Variants in SSX2IP observed in about 807,000 individuals in gnomAD.
The protein encoded by SSX2IP is afadin- and alpha-actinin-binding protein.
In SSX2IP, 55 loss-of-function variants were observed where a neutral mutation model predicts 84.9. That is an observed-to-expected ratio of 0.65 (90% CI 0.52 to 0.81). The LOEUF is 0.81. Ranked by LOEUF, SSX2IP falls within the 30% of genes least tolerant of loss-of-function variation. The probability of loss-of-function intolerance (pLI) is 0.00; values close to 1 mark genes in which losing one functional copy is unlikely to be tolerated. For missense variants in SSX2IP, 664 were observed against 705.2 expected, an observed-to-expected ratio of 0.94 and a Z score of 0.66; for synonymous variants, 239 against 234.7, an observed-to-expected ratio of 1.02 and a Z score of -0.17.
intron 1 of SSX2IP, among the ~76,000 whole-genome samples, chr1:84,681,681 G>A (rs1027654829): frequency 6.6e-6 from 1 of 152,216 alleles, no homozygotes; most frequent in Admixed American, 6.5e-5. Flanking sequence ...ATGTGTGAAA[G>A]TACTCTTAGC....
chr1:84,653,447 G>A (rs1449763899), intron 11 of SSX2IP, among the ~76,000 whole-genome samples: 2 of 152,132 alleles, frequency 1.3e-5, no homozygotes, highest in Non-Finnish European at 2.9e-5. Context: ...GGTCTTGCAT[G>A]CCTCCCTCCC....
chr1:84,689,699 G>A (rs12404958), intron 1 of SSX2IP, among the ~76,000 whole-genome samples: 10 of 152,298 alleles, frequency 6.6e-5, no homozygotes, highest in Admixed American at 5.2e-4. Context: ...AATCAGCATA[G>A]GCTCAAAAAA....
At chr1:84,665,102 T>A (rs1452329334) in intron 5 of SSX2IP, among the ~76,000 whole-genome samples, 1 of 152,194 alleles carries the variant, frequency 6.6e-6, no homozygotes, top group African/African-American at 2.4e-5. Context: ...AAAATTTAGA[T>A]CTATTATAGT....
At chr1:84,682,298 A>C (rs1270951439) in intron 1 of SSX2IP, among the ~76,000 whole-genome samples, 1 of 152,134 alleles carries the variant, frequency 6.6e-6, no homozygotes, top group South Asian at 2.1e-4. Flanking sequence ...ACTGAGTAGC[A>C]TCAGAGGCCA....
rs144402441 is a variant in SSX2IP at position 84,655,852 on chromosome 1, C to T, written c.1369G>A (p.Ala457Thr). The change falls in exon 11 of 14, where the codon GCT becomes ACT. Residue 457 changes from alanine (A) to threonine (T), a missense_variant. Transcript: ENST00000342203. ...AATACCTCCAATCCCAGGCGAATAG[C>T]GGCTTCTGTAAAGCTTCGTCTCTCC... ...ERERRSFTEA[A>T]IRLGLERKAF... The T allele has an allele frequency of 5.0e-6, 8 of 1,613,406 alleles. No individual in the cohort carries two copies. The highest frequency in any genetic ancestry group is 4.5e-5 in the East Asian group (2 of 44,882).
chr1:84,681,579 G>A (rs1655084531), intron 1 of SSX2IP, among the ~76,000 whole-genome samples: 1 of 151,630 alleles, frequency 6.6e-6, no homozygotes, highest in African/African-American at 2.4e-5. Flanking sequence ...CTCTTCCATA[G>A]CATATCTTTA....
intron 11 of SSX2IP, among the ~76,000 whole-genome samples, chr1:84,654,121 C>T (rs1424788069): frequency 6.6e-6 from 1 of 151,642 alleles, no homozygotes. Context: ...AACAAAAGTT[C>T]CAGAACACAG....
rs772148606 is a variant in SSX2IP, at chr1:84,655,981, C to T, written c.1240G>A (p.Asp414Asn). The T allele has an allele frequency of 3.1e-6, 5 of 1,613,032 alleles. No homozygotes were observed. The African/African-American group carries it at 5.3e-5, about 17-fold the overall frequency. ...TCTCGTAATAGTGAAGTGGTATCAT[C>T]ATCATATGCAGTAGCGAGCTGCTGC... is the stretch of plus-strand genomic sequence containing the variant. The part of the protein sequence containing the change: ...LQQQLATAYD[D>N]DTTSLLRDCY... The change falls in exon 11 of 14, where the codon GAT (aspartate) becomes AAT (asparagine). Residue 414 changes from aspartate to asparagine, a missense_variant. By Grantham distance (23) the Asp-to-Asn change is conservative (BLOSUM62 1). Coordinates refer to ENST00000342203, the MANE Select transcript of SSX2IP (RefSeq NM_001166293.2).
At chr1:84,657,080 A>G (rs527821212) in intron 9 of SSX2IP, among the ~76,000 whole-genome samples, 39 of 152,286 alleles carry the variant, frequency 2.6e-4, no homozygotes, top group African/African-American at 9.4e-4. Context: ...TACTTAACAC[A>G]ATGGCACTGA....
chr1:84,659,020 C>A (rs1651533852), intron 8 of SSX2IP, among the ~76,000 whole-genome samples: 2 of 152,062 alleles, frequency 1.3e-5, no homozygotes, highest in African/African-American at 2.4e-5. Context: ...AAAGAAGTAG[C>A]AAACTTTACT....
intron 1 of SSX2IP, 142 bp from the exon 2 acceptor site, chr1:84,671,450 G>C (rs966292464): frequency 5.6e-6 from 3 of 533,582 alleles, no homozygotes; most frequent in African/African-American, 2.0e-5. Flanking sequence ...TATAGAACAT[G>C]GTGTGTGTAT....
At chr1:84,690,202 C>G (rs1656416937) in intron 1 of SSX2IP, 169 bp downstream of exon 1, 1 of 152,284 alleles carries the variant, frequency 6.6e-6, no homozygotes, top group South Asian at 2.1e-4. Flanking sequence ...TCGCCCGCAC[C>G]CTGCAACGGC....
Position 84,646,233 on chromosome 1 carries a change from G to C in SSX2IP, c.*1200C>G, listed in dbSNP as rs1649452549. On this transcript the variant is annotated 3_prime_UTR_variant, in exon 14 of 14. Coordinates refer to ENST00000342203, the MANE Select transcript of SSX2IP (RefSeq NM_001166293.2). ...GCTTTTTGATGAAAATCCTGGGAAA[G>C]AGCTGAGCCTACATTTATTATTATT... 6.6e-6 allele frequency: 1 copy of C among 152,532 alleles called. No individual in the cohort carries two copies. Among genetic ancestry groups the C allele is most frequent in the Non-Finnish European group, 1.5e-5 (1 of 68,018 alleles). The allele number at this position is 152,532 out of a possible 1,614,324, so 9.4% of individuals were successfully genotyped here.
intron 6 of SSX2IP, among the ~76,000 whole-genome samples, chr1:84,663,853 C>T (rs1169136055): frequency 6.6e-6 from 1 of 152,276 alleles, no homozygotes; most frequent in South Asian, 2.1e-4. Context: ...TTTTAATTTA[C>T]ACTATCTACT....
intron 1 of SSX2IP, among the ~76,000 whole-genome samples, chr1:84,686,330 T>C (rs1570750944): frequency 6.6e-6 from 1 of 152,084 alleles, no homozygotes; most frequent in African/African-American, 2.4e-5. Context: ...GAAGAACAGG[T>C]AAGAAATAAT....
chr1:84,663,854 A>G (rs148058871), intron 6 of SSX2IP, among the ~76,000 whole-genome samples: 1 of 152,180 alleles, frequency 6.6e-6, no homozygotes, highest in Non-Finnish European at 1.5e-5. Flanking sequence ...TTTAATTTAC[A>G]CTATCTACTT....
At chr1:84,689,973 AG>A (rs957556313) in intron 1 of SSX2IP, among the ~76,000 whole-genome samples, 1 of 151,940 alleles carries the variant, frequency 6.6e-6, no homozygotes, top group Non-Finnish European at 1.5e-5. Flanking sequence ...GCCGCTGCTG[AG>A]ACTCTGCAGC....
At chr1:84,669,642 T>C in intron 4 of SSX2IP, 39 bp downstream of exon 4, 1 of 1,490,454 alleles carries the variant, frequency 6.7e-7, no homozygotes, top group Non-Finnish European at 9.3e-7. Flanking sequence ...TACTCAATTA[T>C]ATAATTATGG....
intron 1 of SSX2IP, among the ~76,000 whole-genome samples, chr1:84,671,968 TAGA>T (rs1196340515): frequency 6.6e-6 from 1 of 152,182 alleles, no homozygotes; most frequent in Non-Finnish European, 1.5e-5. Flanking sequence ...TATGTTTCCA[TAGA>T]AGAATGAGTA....
Sources: allele counts gnomAD v4.1 joint callset (sites outside exome capture counted in the v4.1 genomes callset), GRCh38; gene constraint gnomAD v4.1.1; transcripts MANE v1.5; gene names NCBI Gene and HGNC (gene_info 2026-07-23, HGNC 2026-07-21).